Variants in RBFOX2 observed in about 807,000 individuals in gnomAD.
RBFOX2 encodes the protein RNA binding fox-1 homolog 2, also known as RNA binding protein fox-1 homolog 2.
Under a neutral mutation model 49.1 loss-of-function variants are expected in RBFOX2, and 10 were observed. The observed-to-expected ratio is 0.20, with a 90% CI of 0.13 to 0.35. RBFOX2 has a LOEUF of 0.35. Ranked by LOEUF, RBFOX2 falls within the 10% of genes least tolerant of loss-of-function variation. The probability of loss-of-function intolerance (pLI) is 1.00; values close to 1 mark genes in which losing one functional copy is unlikely to be tolerated. For missense variants in RBFOX2, 323 were observed against 486.9 expected, an observed-to-expected ratio of 0.66 and a Z score of 3.17; for synonymous variants, 183 against 187.4, an observed-to-expected ratio of 0.98 and a Z score of 0.19.
At chr22:36,024,562 G>A (rs2059359724) in intron 1 of RBFOX2, among the ~76,000 whole-genome samples, 1 of 151,940 alleles carries the variant, frequency 6.6e-6, no homozygotes. Flanking sequence ...CCAACATGGT[G>A]AAACCTCATC....
At chr22:35,838,914 C>A (rs907429912) in intron 1 of RBFOX2, among the ~76,000 whole-genome samples, 13 of 152,180 alleles carry the variant, frequency 8.5e-5, no homozygotes, top group African/African-American at 2.7e-4. Flanking sequence ...GGTTTCCCTC[C>A]TTCCAAACAG....
chr22:35,884,531 TAG>T (rs2046327723), intron 1 of RBFOX2, among the ~76,000 whole-genome samples: 1 of 152,180 alleles, frequency 6.6e-6, no homozygotes, highest in South Asian at 2.1e-4. Flanking sequence ...CACTAGCTGT[TAG>T]GCCTAGACAT....
At chr22:35,763,804 C>A (rs1376485676) in intron 6 of RBFOX2, among the ~76,000 whole-genome samples, 1 of 151,986 alleles carries the variant, frequency 6.6e-6, no homozygotes, top group Non-Finnish European at 1.5e-5. Flanking sequence ...CTTAAAAAAT[C>A]CTGGTGCCAA....
chr22:35,795,913 C>T (rs1948709064), intron 2 of RBFOX2, among the ~76,000 whole-genome samples: 1 of 152,186 alleles, frequency 6.6e-6, no homozygotes, highest in Non-Finnish European at 1.5e-5. Context: ...AGAGAGCCTT[C>T]TGTTCCAACT....
chr22:35,901,857 G>A lies in RBFOX2; in HGVS notation c.-34+36990C>T, dbSNP rs544823422. 2.0e-4 allele frequency among the ~76,000 whole-genome samples: 31 copies of A among 152,126 alleles called. 1 individual carries two copies. Among genetic ancestry groups the A allele is most frequent in the African/African-American group, 3.1e-4 (13 of 41,520 alleles). On this transcript the variant is annotated intron_variant, in intron 1 of 13. Coordinates refer to the RBFOX2 transcript ENST00000359369. ...AGCAATTTGGGAGGCTGAGGCAGGCGGATCACTTGAGTTCAGGAGTTCAAG... is the reference window on the plus strand; with the variant it reads ...AGCAATTTGGGAGGCTGAGGCAGGCAGATCACTTGAGTTCAGGAGTTCAAG...
At chr22:35,829,516 A>G (rs945397515) in intron 1 of RBFOX2, among the ~76,000 whole-genome samples, 44 of 151,902 alleles carry the variant, frequency 2.9e-4, no homozygotes, top group African/African-American at 1.0e-3. Flanking sequence ...TGTTGCAGGG[A>G]AAAAAAGGTA....
intron 9 of RBFOX2, among the ~76,000 whole-genome samples, chr22:35,756,686 T>C (rs1162413527): frequency 6.6e-6 from 1 of 152,150 alleles, no homozygotes; most frequent in African/African-American, 2.4e-5. Flanking sequence ...ATGTAAATGT[T>C]TTTCTGATAT....
chr22:35,970,260 A>G (rs2056795684), intron 1 of RBFOX2, among the ~76,000 whole-genome samples: 2 of 152,280 alleles, frequency 1.3e-5, no homozygotes, highest in South Asian at 4.1e-4. Flanking sequence ...AAAAAATCAA[A>G]TATTTCAGCA....
chr22:35,802,809 A>G (rs1569176383), intron 2 of RBFOX2, among the ~76,000 whole-genome samples: 1 of 152,196 alleles, frequency 6.6e-6, no homozygotes, highest in Non-Finnish European at 1.5e-5. Flanking sequence ...GTCTCCTCAC[A>G]TCCCTGGGTG....
chr22:36,028,765 G>A (rs1431007654), exon 1 of RBFOX2, among the ~76,000 whole-genome samples: 3 of 151,930 alleles, frequency 2.0e-5, no homozygotes, highest in Non-Finnish European at 2.9e-5. Context: ...TCGCCCACCG[G>A]CCGCGCTGGC....
intron 1 of RBFOX2, among the ~76,000 whole-genome samples, chr22:35,980,605 C>T (rs1603461565): frequency 9.0e-6 from 1 of 110,750 alleles, no homozygotes; most frequent in Admixed American, 1.4e-4. Context: ...GAAAATTAAG[C>T]GGTTTTCTTC....
intron 1 of RBFOX2, among the ~76,000 whole-genome samples, chr22:35,872,126 C>T (rs1261841035): frequency 1.3e-5 from 2 of 152,178 alleles, no homozygotes; most frequent in Non-Finnish European, 2.9e-5. Context: ...GCTAGAATGG[C>T]CTGTCCATTA....
intron 5 of RBFOX2, among the ~76,000 whole-genome samples, chr22:35,766,168 T>C (rs1204037063): frequency 6.6e-6 from 1 of 152,206 alleles, no homozygotes; most frequent in Non-Finnish European, 1.5e-5. Flanking sequence ...CAGAACTGCA[T>C]ATTTTAAAGC....
intron 1 of RBFOX2, among the ~76,000 whole-genome samples, chr22:35,902,494 A>C (rs2048703428): frequency 6.6e-6 from 1 of 152,100 alleles, no homozygotes; most frequent in Non-Finnish European, 1.5e-5. Flanking sequence ...CATGATCACA[A>C]ACCTCAAATG....
exon 12 of RBFOX2, chr22:35,740,808 G>A (rs564197057): frequency 1.3e-5 from 2 of 152,278 alleles, no homozygotes; most frequent in South Asian, 2.1e-4. Context: ...CTCATGTCTG[G>A]AAGCTATATA....
At chr22:35,912,529 A>T (rs1198429292) in intron 1 of RBFOX2, among the ~76,000 whole-genome samples, 2 of 152,196 alleles carry the variant, frequency 1.3e-5, no homozygotes, top group Non-Finnish European at 2.9e-5. Flanking sequence ...GTACCTGAGG[A>T]TGAGTAGCTA....
rs758174666 is a variant in RBFOX2, at chr22:35,840,152, AGAG to A, written c.27+37_27+39del. 2.5e-6 allele frequency: 4 copies of A among 1,606,500 alleles called. No individual in the cohort carries two copies. In the South Asian group the frequency reaches 4.4e-5, roughly 18 times the overall value. ...CCTCAAACCTTTATTTAGATCCCAGAGAGGAGAAAAGAAACATGCCGAGGAAGC... is the reference window on the plus strand; with the variant it reads ...CCTCAAACCTTTATTTAGATCCCAGAGAGAAAAGAAACATGCCGAGGAAGC... On this transcript the variant is annotated intron_variant, in intron 1 of 11. Transcript: ENST00000405409.
intron 2 of RBFOX2, among the ~76,000 whole-genome samples, chr22:35,807,179 A>T (rs756648431): frequency 6.6e-6 from 1 of 152,230 alleles, no homozygotes; most frequent in Non-Finnish European, 1.5e-5. Flanking sequence ...ACAGAAAAAA[A>T]TATGTAAACA....
At chr22:35,943,072 C>T (rs1467022976), upstream of RBFOX2, among the ~76,000 whole-genome samples, 1 of 152,210 alleles carries the variant, frequency 6.6e-6, no homozygotes, top group Non-Finnish European at 1.5e-5. Flanking sequence ...GGCTGAGATG[C>T]CTCCAGACTT....
Sources: gnomAD v4.1 joint callset for allele counts (sites outside exome capture counted in the v4.1 genomes callset) on GRCh38, gnomAD v4.1.1 for gene constraint, MANE v1.5 for transcripts, NCBI Gene and HGNC (gene_info 2026-07-23, HGNC 2026-07-21) for gene names.